The following PPARG variants were observed in gnomAD, a reference collection of about 807,000 sequenced individuals.
PPARG encodes the protein peroxisome proliferator activated receptor gamma.
Under a neutral mutation model 39.2 loss-of-function variants are expected in PPARG, and 17 were observed. The ratio of observed to expected loss-of-function variants is 0.43; its 90% CI spans 0.30 to 0.65. The LOEUF (loss-of-function observed/expected upper bound fraction) is 0.65, where lower values mean the gene tolerates loss of function less well. PPARG is among the 30% of genes least tolerant of loss of function. PPARG has a pLI of 0.13. For missense variants in PPARG, 406 were observed against 585.9 expected, an observed-to-expected ratio of 0.69 and a Z score of 3.17; for synonymous variants, 223 against 215.7, an observed-to-expected ratio of 1.03 and a Z score of -0.30.
rs116367763 is a variant in PPARG, at chr3:12,310,041, G to A, written c.-82-2339G>A. On this transcript the variant is annotated intron_variant, in intron 1 of 7. Coordinates refer to ENST00000651735, the MANE Select transcript of PPARG (RefSeq NM_138711.6). ...CAATCCTTGGTGTCTACTCCCCCCA[G>A]AATGGATCTTGTCTCTGCCCTACTG... Among the ~76,000 whole-genome samples, 426 of 152,272 alleles carry A rather than the reference G, an allele frequency of 2.8e-3. 2 individuals carry two copies. The highest frequency in any genetic ancestry group is 9.5e-3 in the African/African-American group (393 of 41,550).
intron 7 of PPARG, among the ~76,000 whole-genome samples, chr3:12,424,471 G>A (rs77150191): frequency 1.3e-5 from 2 of 152,152 alleles, no homozygotes; most frequent in African/African-American, 4.8e-5. Flanking sequence ...TCCTGGAAGA[G>A]GCTCAGTCGA....
intron 6 of PPARG, among the ~76,000 whole-genome samples, chr3:12,414,840 A>C (rs1290392545): frequency 6.6e-6 from 1 of 152,146 alleles, no homozygotes; most frequent in African/African-American, 2.4e-5. Context: ...CCTCTTTTGG[A>C]GTTTGCTAAG....
At chr3:12,363,358 C>T (rs1452684428) in intron 2 of PPARG, among the ~76,000 whole-genome samples, 1 of 152,196 alleles carries the variant, frequency 6.6e-6, no homozygotes, top group Non-Finnish European at 1.5e-5. Flanking sequence ...CAGCTCATAA[C>T]CACTAGAGAT....
chr3:12,374,430 C>A (rs1455623989), intron 2 of PPARG, among the ~76,000 whole-genome samples: 1 of 151,974 alleles, frequency 6.6e-6, no homozygotes, highest in African/African-American at 2.4e-5. Flanking sequence ...GAAACCCCTT[C>A]TCTACTAAAA....
chr3:12,315,901 A>T (rs2047375862), intron 2 of PPARG, among the ~76,000 whole-genome samples: 1 of 152,164 alleles, frequency 6.6e-6, no homozygotes, highest in Non-Finnish European at 1.5e-5. Flanking sequence ...ACTTTGAAAA[A>T]AATCTCTTGA....
At chr3:12,368,524 C>G (rs1406478990) in intron 2 of PPARG, among the ~76,000 whole-genome samples, 1 of 152,082 alleles carries the variant, frequency 6.6e-6, no homozygotes, top group African/African-American at 2.4e-5. Flanking sequence ...ATAAAAGATT[C>G]TATATTCAGA....
chr3:12,331,008 C>T (rs1453119943), intron 2 of PPARG, among the ~76,000 whole-genome samples: 2 of 152,290 alleles, frequency 1.3e-5, no homozygotes, highest in African/African-American at 4.8e-5. Flanking sequence ...TGGAATGAGA[C>T]TGTTTTCTTA....
At chr3:12,356,211 AG>A (rs2048661119) in intron 2 of PPARG, among the ~76,000 whole-genome samples, 1 of 152,124 alleles carries the variant, frequency 6.6e-6, no homozygotes, top group Non-Finnish European at 1.5e-5. Flanking sequence ...GTTTCTGTAA[AG>A]TTTTACCAGA....
intron 2 of PPARG, among the ~76,000 whole-genome samples, chr3:12,348,421 A>G (rs754421337): frequency 6.6e-6 from 1 of 152,188 alleles, no homozygotes; most frequent in Non-Finnish European, 1.5e-5. Flanking sequence ...ATTGAAGACT[A>G]AATGTTGAAG....
chr3:12,354,630 G>A lies in PPARG; in HGVS notation c.-8-25074G>A, dbSNP rs151152299. Among the ~76,000 whole-genome samples, 487 of 151,986 alleles carry A rather than the reference G, an allele frequency of 3.2e-3. 2 individuals are homozygous for A. The highest frequency in any genetic ancestry group is 0.012 in the South Asian group (59 of 4,804). ...TAGCCAGGCGTGGTGGTGGGCGCCTGTAGTCCCAGCTACTCAGGAGGCTGA... is the reference window on the plus strand; with the variant it reads ...TAGCCAGGCGTGGTGGTGGGCGCCTATAGTCCCAGCTACTCAGGAGGCTGA... On this transcript the variant is annotated intron_variant, in intron 2 of 7. Transcript: ENST00000651735.
At chr3:12,306,215 T>C (rs1467403842) in intron 1 of PPARG, among the ~76,000 whole-genome samples, 1 of 152,124 alleles carries the variant, frequency 6.6e-6, no homozygotes, top group African/African-American at 2.4e-5. Flanking sequence ...GCAACATAGA[T>C]CCCTCACATG....
chr3:12,396,471 T>C (rs911793027), intron 5 of PPARG, among the ~76,000 whole-genome samples: 1 of 152,098 alleles, frequency 6.6e-6, no homozygotes, highest in Non-Finnish European at 1.5e-5. Context: ...AATTTTGGCT[T>C]GTGGGCCAGG....
At chr3:12,432,633 C>G (rs556318521) in intron 7 of PPARG, among the ~76,000 whole-genome samples, 1 of 152,162 alleles carries the variant, frequency 6.6e-6, no homozygotes, top group South Asian at 2.1e-4. Context: ...GAGGTTTTAG[C>G]CAACACACTA....
chr3:12,320,322 C>G (rs538088979), intron 2 of PPARG, among the ~76,000 whole-genome samples: 13 of 152,102 alleles, frequency 8.5e-5, no homozygotes, highest in Non-Finnish European at 1.8e-4. Flanking sequence ...TGGTGTTTGT[C>G]TTTTGGTATT....
At chr3:12,298,641 G>T (rs1453306058) in intron 1 of PPARG, among the ~76,000 whole-genome samples, 2 of 152,046 alleles carry the variant, frequency 1.3e-5, no homozygotes, top group Non-Finnish European at 2.9e-5. Flanking sequence ...TCATATCAGT[G>T]TTATAAATAT....
intron 2 of PPARG, among the ~76,000 whole-genome samples, chr3:12,334,671 A>AT (rs1379583789): frequency 6.6e-6 from 1 of 152,224 alleles, no homozygotes; most frequent in Admixed American, 6.5e-5. Context: ...TATATAATAT[A>AT]TGCAAAAGTG....
At chr3:12,328,392 C>T in intron 2 of PPARG, 1 of 633,734 alleles carries the variant, frequency 1.6e-6, no homozygotes, top group South Asian at 1.9e-5. Context: ...TTTGGATGGC[C>T]TGGCAACGTC....
chr3:12,367,313 G>C (rs186426568), intron 2 of PPARG, among the ~76,000 whole-genome samples: 2 of 152,152 alleles, frequency 1.3e-5, no homozygotes, highest in Admixed American at 6.6e-5. Flanking sequence ...AACAGATTTA[G>C]CCTTAGTCCT....
intron 4 of PPARG, among the ~76,000 whole-genome samples, chr3:12,387,326 A>G (rs1161415113): frequency 6.6e-6 from 1 of 152,214 alleles, no homozygotes; most frequent in African/African-American, 2.4e-5. Context: ...ACTAATTTAC[A>G]CTTCCACCAA....
Sources: allele counts gnomAD v4.1 joint callset (sites outside exome capture counted in the v4.1 genomes callset), GRCh38; gene constraint gnomAD v4.1.1; transcripts MANE v1.5; gene names NCBI Gene and HGNC (gene_info 2026-07-23, HGNC 2026-07-21).